The following EPCAM variants were observed in gnomAD, a reference collection of about 807,000 sequenced individuals.
The protein encoded by EPCAM is epithelial cell adhesion molecule, also known as adenocarcinoma-associated antigen.
A neutral mutation model predicts 40.0 loss-of-function variants in EPCAM; 39 were observed. The ratio of observed to expected loss-of-function variants is 0.98; its 90% confidence interval spans 0.76 to 1.27. The LOEUF is 1.27. Ranked by LOEUF, EPCAM falls within the 50% of genes most tolerant of loss-of-function variation. The pLI is 0.00. For synonymous variants in EPCAM, 168 were observed against 132.3 expected, an observed-to-expected ratio of 1.27 and a Z score of -1.85; for missense variants, 503 against 381.2, an observed-to-expected ratio of 1.32 and a Z score of -2.66.
At chr2:47,381,885 T>A (rs1257322823) in intron 7 of EPCAM, among the ~76,000 whole-genome samples, 2 of 152,130 alleles carry the variant, frequency 1.3e-5, no homozygotes, top group African/African-American at 2.4e-5. Flanking sequence ...TCCTGACCTA[T>A]CCTCCCAAGT....
rs144245461 is a variant in EPCAM at position 47,375,294 on chromosome 2, G to A, written c.486G>A (p.Leu162=). ...AAAAACCTTATGATAGTAAAAGTTT[G>A]CGGACGTAAGTGCAATTAAATGCAT... ...AREKPYDSKS[L]RTALQKEITT... Residue 162 remains leucine (L), a synonymous_variant, in exon 4 of 9, where the codon TTG becomes TTA. Transcript: ENST00000263735. 49 of 1,607,278 alleles carry A rather than the reference G, an allele frequency of 3.0e-5. No homozygotes were observed. Among genetic ancestry groups the A allele is most frequent in the Non-Finnish European group, 3.9e-5 (46 of 1,174,008 alleles).
At chr2:47,375,352 C>G (rs2103750341) in intron 4 of EPCAM, 53 bp downstream of exon 4, 4 of 1,101,612 alleles carry the variant, frequency 3.6e-6, no homozygotes, top group Admixed American at 1.7e-5. Context: ...CTCAAATCTT[C>G]CATCCTACAC....
At chr2:47,374,116 A>T (rs1186278104) in intron 3 of EPCAM, 68 bp downstream of exon 3, 2 of 1,546,282 alleles carry the variant, frequency 1.3e-6, no homozygotes, top group Admixed American at 1.8e-5. Context: ...TTTATTTTTG[A>T]TTATGTAATA....
At chr2:47,380,817 G>A (rs914780224) in intron 7 of EPCAM, among the ~76,000 whole-genome samples, 6 of 152,116 alleles carry the variant, frequency 3.9e-5, no homozygotes, top group Non-Finnish European at 5.9e-5. Context: ...GGCCAGGTGT[G>A]ATGGCTCAGG....
intron 7 of EPCAM, 112 bp from the exon 8 acceptor site, chr2:47,385,054 A>G: frequency 1.2e-6 from 1 of 851,486 alleles, no homozygotes; most frequent in Non-Finnish European, 2.0e-6. Context: ...TAGATGTTAA[A>G]ATTAGTTTTT....
In EPCAM at chr2:47,379,763, A is replaced by G. The variant is rs768723264; in HGVS notation, c.658-6A>G. 5.0e-6 allele frequency: 8 copies of G among 1,612,306 alleles called. No individual in the cohort carries two copies. In the East Asian group the frequency reaches 8.9e-5, roughly 18 times the overall value. On this transcript the variant is annotated splice_polypyrimidine_tract_variant and splice_region_variant and intron_variant, in intron 6 of 8. Transcript: ENST00000263735. ...TTTTTAATTCCTTTTCTCCTTTTCA[A>G]TACAGGTTAAAGGTGAATCCTTGTT...
chr2:47,377,003 A>G lies in EPCAM; in HGVS notation c.492-11A>G. ...CATTTTTTTTTAATACAGATTTTAAATTCTTTACAGTGCACTTCAGAAGGA... is the reference window on the plus strand; with the variant it reads ...CATTTTTTTTTAATACAGATTTTAAGTTCTTTACAGTGCACTTCAGAAGGA... On this transcript the variant is annotated splice_polypyrimidine_tract_variant and intron_variant, in intron 4 of 8. Transcript: ENST00000263735. 1 of 1,588,010 alleles carries G rather than the reference A, an allele frequency of 6.3e-7. No individual in the cohort carries two copies. The highest frequency in any genetic ancestry group is 1.1e-5 in the South Asian group (1 of 90,590).
At chr2:47,376,178 C>G (rs189489216) in intron 4 of EPCAM, among the ~76,000 whole-genome samples, 1 of 151,008 alleles carries the variant, frequency 6.6e-6, no homozygotes, top group African/African-American at 2.4e-5. Context: ...CTTCCATGAA[C>G]TTGCTATTTT....
Position 47,369,435 on chromosome 2 carries a change from C to T in EPCAM, c.-71C>T, listed in dbSNP as rs1671155375. ...CGCTGCCCGGCCGGCTCCTCGTGTC[C>T]CACTCCCGGCGCACGCCCTCCCGCG... On this transcript the variant is annotated 5_prime_UTR_variant, in exon 1 of 9. Coordinates refer to ENST00000263735, the MANE Select transcript of EPCAM (RefSeq NM_002354.3). 2.3e-6 allele frequency: 3 copies of T among 1,330,540 alleles called. No homozygotes were observed. The highest frequency in any genetic ancestry group is 3.0e-5 in the East Asian group (1 of 33,124). The allele number at this position is 1,330,540 out of a possible 1,614,324, so 82.4% of individuals were successfully genotyped here. A position where few individuals can be genotyped will look rare whatever the true frequency, so the allele number is the denominator to read the frequency against.
Position 47,385,183 on chromosome 2 carries a change from G to A in EPCAM, c.876G>A (p.Lys292=). The part of the protein sequence containing the change: ...GIVVLVISRK[K]RMAKYEKAEI... ...CCACTCAGGTTATTTCCAGAAAGAA[G>A]AGAATGGCAAAGTATGAGAAGGCTG... The change falls in exon 8 of 9, where the codon AAG becomes AAA. Residue 292 remains lysine, a synonymous_variant. Coordinates refer to ENST00000263735, the MANE Select transcript of EPCAM (RefSeq NM_002354.3). 2 of 1,613,116 alleles carry A rather than the reference G, an allele frequency of 1.2e-6. No individual in the cohort carries two copies. The highest frequency in any genetic ancestry group is 2.2e-5 in the East Asian group (1 of 44,820).
At chr2:47,381,212 C>T (rs988121788) in intron 7 of EPCAM, among the ~76,000 whole-genome samples, 4 of 149,668 alleles carry the variant, frequency 2.7e-5, no homozygotes, top group Non-Finnish European at 4.4e-5. Flanking sequence ...GCCTGACCAA[C>T]GTGGAGAAAC....
At chr2:47,378,064 C>T (rs79267120) in intron 5 of EPCAM, among the ~76,000 whole-genome samples, 2,296 of 152,038 alleles carry the variant, frequency 0.015, 61 homozygotes, top group African/African-American at 0.052. Flanking sequence ...AACCCTGTCT[C>T]TACTAAAAAC....
In EPCAM at chr2:47,377,955, G is replaced by A. The variant is rs1165413728; in HGVS notation, c.555+878G>A. ...ACTCTTTAAAAACAAAATGATGGCCGGGCACGGTGGCTCACGCCTGTAATC... is the reference window on the plus strand; with the variant it reads ...ACTCTTTAAAAACAAAATGATGGCCAGGCACGGTGGCTCACGCCTGTAATC... On this transcript the variant is annotated intron_variant, in intron 5 of 8. Coordinates refer to ENST00000263735, the MANE Select transcript of EPCAM (RefSeq NM_002354.3). Among the ~76,000 whole-genome samples the A allele has an allele frequency of 3.3e-5, 5 of 151,970 alleles. No homozygotes were observed. The South Asian group carries it at 6.2e-4, about 19-fold the overall frequency.
At chr2:47,385,326 T>C (rs1558441377) in intron 8 of EPCAM, 116 bp downstream of exon 8, 4 of 844,886 alleles carry the variant, frequency 4.7e-6, no homozygotes, top group Non-Finnish European at 6.1e-6. Flanking sequence ...TATACTGTTG[T>C]CTTTAGGGTC....
chr2:47,379,687 G>T, intron 6 of EPCAM, 82 bp from the exon 7 acceptor site: 1 of 1,456,732 alleles, frequency 6.9e-7, no homozygotes, highest in Non-Finnish European at 9.5e-7. Context: ...GGTTCTTTTG[G>T]CATACAATTT....
At chr2:47,376,456 C>T (rs1391182109) in intron 4 of EPCAM, among the ~76,000 whole-genome samples, 1 of 152,054 alleles carries the variant, frequency 6.6e-6, no homozygotes, top group African/African-American at 2.4e-5. Flanking sequence ...CACGGGGTTT[C>T]TCCACGTTGG....
At chr2:47,384,192 C>A (rs1260752236) in intron 7 of EPCAM, among the ~76,000 whole-genome samples, 1 of 151,554 alleles carries the variant, frequency 6.6e-6, no homozygotes, top group East Asian at 1.9e-4. Context: ...CAACCTCTGC[C>A]CCCCAGGTTC....
At chr2:47,370,367 G>T (rs866025952) in intron 1 of EPCAM, among the ~76,000 whole-genome samples, 1 of 147,966 alleles carries the variant, frequency 6.8e-6, no homozygotes, top group South Asian at 2.2e-4. Context: ...CGCCTCCCGG[G>T]TTCAAGTGAT....
intron 1 of EPCAM, among the ~76,000 whole-genome samples, chr2:47,372,502 G>A (rs570464668): frequency 2.2e-4 from 34 of 152,172 alleles, no homozygotes; most frequent in African/African-American, 5.3e-4. Flanking sequence ...AGCCGGGCGC[G>A]GTGGCTGACA....
Sources: allele counts gnomAD v4.1 joint callset (sites outside exome capture counted in the v4.1 genomes callset), GRCh38; gene constraint gnomAD v4.1.1; transcripts MANE v1.5; gene names NCBI Gene and HGNC (gene_info 2026-07-23, HGNC 2026-07-21).